The following BAZ2B variants were observed in gnomAD, a reference collection of about 807,000 sequenced individuals.
BAZ2B encodes bromodomain adjacent to zinc finger domain 2B, also known as bromodomain adjacent to zinc finger domain protein 2B.
BAZ2B carries 91 observed loss-of-function variants against 246.0 expected under a neutral mutation model. That is an observed-to-expected ratio of 0.37 (90% CI 0.31 to 0.44). BAZ2B has a LOEUF of 0.44. Among genes scored for constraint, BAZ2B ranks in the 20% least tolerant of loss-of-function variants. The probability of loss-of-function intolerance (pLI) is 1.00; values close to 1 mark genes in which losing one functional copy is unlikely to be tolerated. For missense variants in BAZ2B, 2,332 were observed against 2,533.7 expected, an observed-to-expected ratio of 0.92 and a Z score of 1.71; for synonymous variants, 855 against 860.0, an observed-to-expected ratio of 0.99 and a Z score of 0.10.
chr2:159,666,618 G>A, the BAZ2B span, among the ~76,000 whole-genome samples: 1 of 152,048 alleles, frequency 6.6e-6, no homozygotes, highest in Non-Finnish European at 1.5e-5. Flanking sequence ...GCATTTAGGA[G>A]GCCAAAGTGG....
intron 1 of BAZ2B, among the ~76,000 whole-genome samples, chr2:159,566,265 C>T (rs1419146748): frequency 1.3e-5 from 2 of 152,192 alleles, no homozygotes; most frequent in African/African-American, 2.4e-5. Context: ...CCCGCCTCAG[C>T]CTCCCAAAGT....
At chr2:159,434,527 T>C (rs113614217) in intron 8 of BAZ2B, 1 of 152,106 alleles carries the variant, frequency 6.6e-6, no homozygotes, top group Non-Finnish European at 1.5e-5. Flanking sequence ...ATACATAGAA[T>C]ATGCCTATAT....
chr2:159,682,916 C>CG, the BAZ2B span, among the ~76,000 whole-genome samples: 1 of 148,740 alleles, frequency 6.7e-6, no homozygotes, highest in East Asian at 2.2e-4. Context: ...CCCTCCCCCC[C>CG]CCCACACACA....
At position 159,324,929 on chromosome 2, in the gene BAZ2B, G is replaced by A; in HGVS notation, c.6235C>T (p.His2079Tyr). Residue 2079 changes from histidine (H) to tyrosine (Y), a missense_variant, in exon 36 of 37, where the codon CAT becomes TAT. Physicochemically the swap from His to Tyr is moderately conservative, Grantham distance 83. Transcript: ENST00000392783. ...AGTAGAAAAGGCCATGCATCCTCAT[G>A]AGTTTCCATTTCAGTCAGAATCATA... Reference protein sequence around the residue: ...CSMILTEMETHEDAWPFLLPV... With the variant: ...CSMILTEMETYEDAWPFLLPV... 6.5e-7 allele frequency: 1 copy of A among 1,547,550 alleles called. No homozygotes were observed. Among genetic ancestry groups the A allele is most frequent in the Non-Finnish European group, 8.6e-7 (1 of 1,156,742 alleles).
chr2:159,432,829 C>A lies in BAZ2B; in HGVS notation c.1828G>T (p.Asp610Tyr). Residue 610 changes from aspartate to tyrosine, a missense_variant, in exon 9 of 37, where the codon GAT becomes TAT. Coordinates refer to ENST00000392783, the MANE Select transcript of BAZ2B (RefSeq NM_013450.4). The part of the protein sequence containing the change: ...SSKDSEDSNE[D>Y]EEEDDEEEDE... Reference sequence around the variant, plus strand: ...TCTTCTTCATCATCTTCCTCTTCATCCTCATTTGAATCTTCAGAATCTTTA... The same window carrying A: ...TCTTCTTCATCATCTTCCTCTTCATACTCATTTGAATCTTCAGAATCTTTA... 1 of 1,614,092 alleles carries A rather than the reference C, an allele frequency of 6.2e-7. No homozygotes were observed.
intron 1 of BAZ2B, among the ~76,000 whole-genome samples, chr2:159,569,471 C>T (rs1683420929): frequency 6.6e-6 from 1 of 152,038 alleles, no homozygotes; most frequent in South Asian, 2.1e-4. Flanking sequence ...CCCAACTCCC[C>T]AGCAAGTTTT....
At chr2:159,476,510 C>A (rs1166665206) in intron 3 of BAZ2B, among the ~76,000 whole-genome samples, 3 of 152,078 alleles carry the variant, frequency 2.0e-5, no homozygotes, top group African/African-American at 7.2e-5. Flanking sequence ...CAGCTTCCAA[C>A]CATCCACTAA....
At chr2:159,464,103 TCTC>T (rs2076752235) in intron 3 of BAZ2B, 1 of 152,112 alleles carries the variant, frequency 6.6e-6, no homozygotes. Flanking sequence ...CAACCTTACT[TCTC>T]CTTATGTTAT....
the BAZ2B span, among the ~76,000 whole-genome samples, chr2:159,708,413 G>T: frequency 3.3e-5 from 5 of 152,324 alleles, no homozygotes; most frequent in Non-Finnish European, 7.4e-5. Flanking sequence ...GGTGAGGCCA[G>T]ATATTCTAGA....
At chr2:159,538,890 T>C (rs778135635) in intron 2 of BAZ2B, among the ~76,000 whole-genome samples, 6 of 152,232 alleles carry the variant, frequency 3.9e-5, no homozygotes, top group Non-Finnish European at 7.3e-5. Context: ...AACATAACGC[T>C]TTTTCACTCT....
chr2:159,366,173 A>G (rs1384481169), intron 27 of BAZ2B, among the ~76,000 whole-genome samples: 2 of 152,116 alleles, frequency 1.3e-5, no homozygotes, highest in Non-Finnish European at 2.9e-5. Context: ...CTACTCTTAC[A>G]TCTCGGCTCC....
At chr2:159,566,846 T>C (rs1036926435) in intron 1 of BAZ2B, among the ~76,000 whole-genome samples, 4 of 152,146 alleles carry the variant, frequency 2.6e-5, no homozygotes, top group Non-Finnish European at 4.4e-5. Flanking sequence ...TAAAATAAGA[T>C]GTGAGAGGTT....
the BAZ2B span, among the ~76,000 whole-genome samples, chr2:159,678,912 C>A: frequency 1.1e-4 from 17 of 152,274 alleles, no homozygotes; most frequent in African/African-American, 4.1e-4. Flanking sequence ...TTATAAATGG[C>A]ATGATACAGA....
intron 19 of BAZ2B, 180 bp downstream of exon 19, chr2:159,397,165 A>G (rs1371567617): frequency 6.2e-6 from 9 of 1,442,304 alleles, no homozygotes; most frequent in Non-Finnish European, 8.4e-6. Context: ...CCAATTTTTT[A>G]ACCCCCCAAA....
Position 159,349,783 on chromosome 2 carries a change from T to G in BAZ2B, c.4788A>C (p.Ser1596=). The change falls in exon 28 of 37, where the codon TCA becomes TCC. Residue 1596 remains serine (S), a synonymous_variant. Transcript: ENST00000392783. ...PQSQPPSKSP[S]PTPAPLGSSA... is the part of the protein sequence containing the mutation. ...AAGATCCAAGAGGAGCTGGGGTAGG[T>G]GAAGGTGACTTAGATGGTGGCTGAG... 1.2e-6 allele frequency: 2 copies of G among 1,614,042 alleles called. No homozygotes were observed. Among genetic ancestry groups the G allele is most frequent in the Non-Finnish European group, 1.7e-6 (2 of 1,179,976 alleles).
chr2:159,323,434 T>C (rs1036719119), intron 36 of BAZ2B, among the ~76,000 whole-genome samples: 5 of 152,208 alleles, frequency 3.3e-5, no homozygotes, highest in Non-Finnish European at 7.4e-5. Context: ...AAAGTCTTCA[T>C]GTGTAATTCT....
At chr2:159,672,079 A>G in the BAZ2B span, among the ~76,000 whole-genome samples, 2 of 152,198 alleles carry the variant, frequency 1.3e-5, no homozygotes, top group East Asian at 1.9e-4. Flanking sequence ...ACTTTTGTAT[A>G]AAGTTTATAT....
intron 2 of BAZ2B, among the ~76,000 whole-genome samples, chr2:159,547,096 TG>T (rs2087462188): frequency 6.6e-6 from 1 of 152,194 alleles, no homozygotes; most frequent in Non-Finnish European, 1.5e-5. Context: ...GTAAATTTTA[TG>T]AACAAAAGTT....
At chr2:159,533,904 A>C (rs2085640235) in intron 2 of BAZ2B, among the ~76,000 whole-genome samples, 1 of 152,246 alleles carries the variant, frequency 6.6e-6, no homozygotes, top group African/African-American at 2.4e-5. Flanking sequence ...ACTAAGCCAC[A>C]TACTAAGAAA....
Sources: gnomAD v4.1 joint callset for allele counts (sites outside exome capture counted in the v4.1 genomes callset) on GRCh38, gnomAD v4.1.1 for gene constraint, MANE v1.5 for transcripts, NCBI Gene and HGNC (gene_info 2026-07-23, HGNC 2026-07-21) for gene names.